The following GPC6 variants were observed in gnomAD, a reference collection of about 807,000 sequenced individuals.
GPC6 encodes glypican 6.
Under a neutral mutation model 55.2 loss-of-function variants are expected in GPC6, and 14 were observed. The observed-to-expected ratio is 0.25, with a 90% confidence interval of 0.17 to 0.40. The LOEUF (loss-of-function observed/expected upper bound fraction) is 0.40, where lower values mean the gene tolerates loss of function less well. Ranked by LOEUF, GPC6 falls within the 10% of genes least tolerant of loss-of-function variation. The probability of loss-of-function intolerance (pLI) is 1.00; values close to 1 mark genes in which losing one functional copy is unlikely to be tolerated. For synonymous variants in GPC6, 278 were observed against 259.6 expected (o/e 1.07, Z -0.68); for missense variants, 641 against 708.5 (o/e 0.90, Z 1.08).
intron 2 of GPC6, among the ~76,000 whole-genome samples, chr13:93,826,233 G>T (rs1887242878): frequency 6.6e-6 from 1 of 152,102 alleles, no homozygotes; most frequent in Non-Finnish European, 1.5e-5. Context: ...CCACAGCTTG[G>T]CTGGGCTGAC....
intron 1 of GPC6, among the ~76,000 whole-genome samples, chr13:93,285,843 A>T (rs565432206): frequency 7.2e-5 from 11 of 152,300 alleles, no homozygotes; most frequent in Non-Finnish European, 1.3e-4. Context: ...AGATATTCTT[A>T]TATAGAAGTT....
chr13:93,243,714 C>T (rs924732404), intron 1 of GPC6, among the ~76,000 whole-genome samples: 1 of 152,140 alleles, frequency 6.6e-6, no homozygotes, highest in Non-Finnish European at 1.5e-5. Context: ...GGCATGTGAG[C>T]GGGCTCAAGT....
intron 4 of GPC6, among the ~76,000 whole-genome samples, chr13:94,281,380 G>C (rs1283631686): frequency 3.9e-5 from 6 of 152,012 alleles, no homozygotes; most frequent in African/African-American, 1.5e-4. Flanking sequence ...TCCGGTGTGT[G>C]TTGTTCTCCT....
At chr13:94,026,708 A>G (rs969527790) in intron 3 of GPC6, among the ~76,000 whole-genome samples, 1 of 152,164 alleles carries the variant, frequency 6.6e-6, no homozygotes, top group African/African-American at 2.4e-5. Flanking sequence ...AGTTTAATTG[A>G]TGCACAGTGC....
At chr13:93,715,992 G>A (rs1883241946) in intron 2 of GPC6, among the ~76,000 whole-genome samples, 1 of 151,494 alleles carries the variant, frequency 6.6e-6, no homozygotes, top group African/African-American at 2.4e-5. Flanking sequence ...CTACAATGGT[G>A]GTACCATAAG....
At chr13:94,364,333 T>C (rs994565843) in intron 6 of GPC6, among the ~76,000 whole-genome samples, 2 of 152,182 alleles carry the variant, frequency 1.3e-5, no homozygotes, top group Non-Finnish European at 2.9e-5. Context: ...GAGTAAATCG[T>C]ACTCCCTGGT....
chr13:93,559,390 TA>T (rs1186494612), intron 2 of GPC6, among the ~76,000 whole-genome samples: 4 of 152,210 alleles, frequency 2.6e-5, no homozygotes, highest in African/African-American at 9.6e-5. Context: ...CACAAATATA[TA>T]GGACAAGGAT....
At chr13:93,325,826 TAGG>T (rs1391259141) in intron 1 of GPC6, among the ~76,000 whole-genome samples, 1 of 152,120 alleles carries the variant, frequency 6.6e-6, no homozygotes, top group Non-Finnish European at 1.5e-5. Context: ...TATGTACTGA[TAGG>T]AGATGAAATC....
chr13:94,241,979 T>G (rs906906296), intron 4 of GPC6, among the ~76,000 whole-genome samples: 3 of 152,142 alleles, frequency 2.0e-5, no homozygotes, highest in Admixed American at 6.5e-5. Context: ...GCAGGTTTGT[T>G]ACATATGTAT....
chr13:93,523,027 A>G (rs1881481256), intron 1 of GPC6, among the ~76,000 whole-genome samples: 2 of 148,894 alleles, frequency 1.3e-5, no homozygotes, highest in Non-Finnish European at 3.0e-5. Flanking sequence ...ATATATATAT[A>G]TATACAAATA....
chr13:94,100,944 C>G (rs9589904), intron 4 of GPC6, among the ~76,000 whole-genome samples: 3,982 of 152,270 alleles, frequency 0.026, 172 homozygotes, highest in African/African-American at 0.091. Context: ...ATATTACAGT[C>G]AATAGGTTGA....
intron 6 of GPC6, among the ~76,000 whole-genome samples, chr13:94,321,593 C>T (rs549591513): frequency 3.9e-5 from 6 of 152,284 alleles, no homozygotes; most frequent in East Asian, 1.9e-4. Flanking sequence ...CTTGGTGGCA[C>T]GTCATACCAT....
At chr13:93,970,554 C>A (rs944127715) in intron 3 of GPC6, among the ~76,000 whole-genome samples, 1 of 152,186 alleles carries the variant, frequency 6.6e-6, no homozygotes, top group Non-Finnish European at 1.5e-5. Flanking sequence ...CCCTTCCATG[C>A]CCACTGTTGC....
At chr13:93,294,854 G>C (rs185047631) in intron 1 of GPC6, among the ~76,000 whole-genome samples, 161 of 151,922 alleles carry the variant, frequency 1.1e-3, no homozygotes, top group African/African-American at 3.6e-3. Context: ...TATTCTGCTT[G>C]GACATACATC....
chr13:93,658,515 C>G (rs1009777793), intron 2 of GPC6, among the ~76,000 whole-genome samples: 1 of 151,742 alleles, frequency 6.6e-6, no homozygotes, highest in Non-Finnish European at 1.5e-5. Flanking sequence ...TTCCAGCTTT[C>G]CAGTGTTTGG....
intron 3 of GPC6, among the ~76,000 whole-genome samples, chr13:93,969,648 A>C (rs1250728532): frequency 1.3e-5 from 2 of 151,962 alleles, no homozygotes; most frequent in Non-Finnish European, 2.9e-5. Flanking sequence ...AAAATATACT[A>C]TCTTTACCAT....
At chr13:93,624,294 C>T (rs1197386091) in intron 2 of GPC6, among the ~76,000 whole-genome samples, 2 of 152,172 alleles carry the variant, frequency 1.3e-5, no homozygotes, top group East Asian at 3.9e-4. Context: ...ATCTAAGGAG[C>T]TCTCTTAAAA....
At chr13:93,890,206 C>G (rs375565708) in intron 3 of GPC6, among the ~76,000 whole-genome samples, 1 of 152,158 alleles carries the variant, frequency 6.6e-6, no homozygotes, top group Admixed American at 6.6e-5. Context: ...TATTGTATTG[C>G]GCTGGAACTA....
At chr13:94,017,909 C>T (rs373269601) in intron 3 of GPC6, among the ~76,000 whole-genome samples, 32 of 152,142 alleles carry the variant, frequency 2.1e-4, no homozygotes, top group African/African-American at 7.2e-4. Flanking sequence ...AACTCCTGAC[C>T]TTGTGATCCA....
Sources: allele counts gnomAD v4.1 joint callset (sites outside exome capture counted in the v4.1 genomes callset), GRCh38; gene constraint gnomAD v4.1.1; transcripts MANE v1.5; gene names NCBI Gene and HGNC (gene_info 2026-07-23, HGNC 2026-07-21).